Variants in PDE4D observed in about 807,000 individuals in gnomAD.
PDE4D encodes the protein 3',5'-cyclic-AMP phosphodiesterase 4D.
A neutral mutation model predicts 87.4 loss-of-function variants in PDE4D; 24 were observed. The observed-to-expected ratio is 0.27, with a 90% confidence interval of 0.20 to 0.39. PDE4D has a LOEUF of 0.39. Among genes scored for constraint, PDE4D ranks in the 10% least tolerant of loss-of-function variants. PDE4D has a pLI of 1.00. For missense variants in PDE4D, 714 were observed against 1,041.0 expected (o/e 0.69, Z 4.32); for synonymous variants, 384 against 383.2 (o/e 1.00, Z -0.02).
exon 3 of PDE4D, chr5:59,988,577 C>T: frequency 6.3e-7 from 1 of 1,599,466 alleles, no homozygotes; most frequent in Non-Finnish European, 8.5e-7. Flanking sequence ...ATTCACTTTT[C>T]AAGTCAGCTT....
chr5:59,617,006 TTTC>T (rs1829792008), intron 1 of PDE4D, among the ~76,000 whole-genome samples: 1 of 146,736 alleles, frequency 6.8e-6, no homozygotes, highest in Admixed American at 7.0e-5. Flanking sequence ...TTTTTGTCGT[TTTC>T]TTCTTTTAAA....
intron 1 of PDE4D, among the ~76,000 whole-genome samples, chr5:59,486,300 T>C (rs897402394): frequency 6.6e-6 from 1 of 152,114 alleles, no homozygotes; most frequent in African/African-American, 2.4e-5. Flanking sequence ...TCCTGTTGTC[T>C]TTTCTCTGTG....
chr5:59,598,492 T>C (rs1827022095), intron 1 of PDE4D, among the ~76,000 whole-genome samples: 1 of 152,120 alleles, frequency 6.6e-6, no homozygotes. Flanking sequence ...AGGAACAAAG[T>C]TAATGAAAAT....
chr5:59,951,028 T>G (rs551765024), intron 3 of PDE4D, among the ~76,000 whole-genome samples: 1 of 152,254 alleles, frequency 6.6e-6, no homozygotes, highest in South Asian at 2.1e-4. Flanking sequence ...CTAGGCATGA[T>G]TCAAAGTTCT....
chr5:60,306,119 T>C (rs531550762), intron 1 of PDE4D, among the ~76,000 whole-genome samples: 3 of 152,176 alleles, frequency 2.0e-5, no homozygotes, highest in African/African-American at 7.2e-5. Context: ...CAAGAATGCA[T>C]AAGTATGTGA....
chr5:59,809,970 AT>A (rs1768161473), intron 1 of PDE4D, among the ~76,000 whole-genome samples: 1 of 152,350 alleles, frequency 6.6e-6, no homozygotes, highest in East Asian at 1.9e-4. Context: ...TGAATAAAAA[AT>A]GTATACTGCT....
intron 1 of PDE4D, among the ~76,000 whole-genome samples, chr5:60,495,389 G>A (rs917316313): frequency 1.3e-5 from 2 of 152,072 alleles, no homozygotes; most frequent in Non-Finnish European, 2.9e-5. Flanking sequence ...TAGATCCCTG[G>A]CTCCCACTAC....
intron 1 of PDE4D, among the ~76,000 whole-genome samples, chr5:59,822,328 A>G (rs1769791751): frequency 6.6e-6 from 1 of 152,182 alleles, no homozygotes; most frequent in African/African-American, 2.4e-5. Context: ...GAGTAGAACT[A>G]TTGTAATTTT....
intron 1 of PDE4D, among the ~76,000 whole-genome samples, chr5:59,692,838 AT>A (rs1751191490): frequency 6.6e-6 from 1 of 152,246 alleles, no homozygotes; most frequent in African/African-American, 2.4e-5. Flanking sequence ...AAATGGCTTA[AT>A]TTCTCTTCCT....
At chr5:59,180,225 T>C in intron 5 of PDE4D, 1 of 374,940 alleles carries the variant, frequency 2.7e-6, no homozygotes, top group Non-Finnish European at 5.1e-6. Flanking sequence ...GCCTTCACTC[T>C]TATTAAACTA....
At chr5:59,232,511 C>A (rs1158298892) in intron 1 of PDE4D, among the ~76,000 whole-genome samples, 98 of 141,778 alleles carry the variant, frequency 6.9e-4, no homozygotes, top group East Asian at 1.0e-3. Context: ...ATTAAAAGAC[C>A]AAAAAAAAAA....
intron 2 of PDE4D, among the ~76,000 whole-genome samples, chr5:60,145,505 T>C (rs1780910882): frequency 6.6e-6 from 1 of 152,238 alleles, no homozygotes; most frequent in Admixed American, 6.5e-5. Context: ...TATTTAAAAT[T>C]GCTTTGCTTT....
At chr5:58,991,447 G>A (rs1580143700) in intron 8 of PDE4D, among the ~76,000 whole-genome samples, 2 of 152,210 alleles carry the variant, frequency 1.3e-5, no homozygotes, top group Admixed American at 1.3e-4. Context: ...GAACAGTATG[G>A]CTTAACCTTG....
intron 2 of PDE4D, among the ~76,000 whole-genome samples, chr5:59,199,078 A>C (rs531530111): frequency 6.6e-6 from 1 of 152,318 alleles, no homozygotes; most frequent in African/African-American, 2.4e-5. Context: ...AGTTAATTAG[A>C]AGAAAGTTTT....
chr5:59,698,429 G>A (rs1047481673), intron 1 of PDE4D, among the ~76,000 whole-genome samples: 9 of 151,936 alleles, frequency 5.9e-5, no homozygotes, highest in African/African-American at 1.4e-4. Context: ...TGGCATGAGC[G>A]CTTTAAAACT....
At chr5:59,091,477 C>T (rs998818782) in intron 5 of PDE4D, among the ~76,000 whole-genome samples, 9 of 151,982 alleles carry the variant, frequency 5.9e-5, no homozygotes, top group African/African-American at 2.2e-4. Context: ...CAATCCTCAG[C>T]TACATACAAC....
At chr5:60,017,286 TATTTA>T (rs1157979109) in intron 2 of PDE4D, among the ~76,000 whole-genome samples, 2 of 152,180 alleles carry the variant, frequency 1.3e-5, no homozygotes, top group Non-Finnish European at 1.5e-5. Context: ...AGATTTAGCA[TATTTA>T]ATTTAATTTA....
chr5:59,039,067 C>T, intron 5 of PDE4D, 96 bp from the exon 6 acceptor site: 4 of 1,498,050 alleles, frequency 2.7e-6, no homozygotes. Context: ...CCCCGCCATG[C>T]TCGGATGCCC....
At chr5:60,084,430 A>G (rs1298593739) in intron 2 of PDE4D, among the ~76,000 whole-genome samples, 1 of 151,944 alleles carries the variant, frequency 6.6e-6, no homozygotes, top group Non-Finnish European at 1.5e-5. Flanking sequence ...GCGCATGCGC[A>G]CGCATGTGTG....
Sources: gnomAD v4.1 joint callset for allele counts (sites outside exome capture counted in the v4.1 genomes callset) on GRCh38, gnomAD v4.1.1 for gene constraint, MANE v1.5 for transcripts, NCBI Gene and HGNC (gene_info 2026-07-23, HGNC 2026-07-21) for gene names.